Variants in CNOT1 observed in about 807,000 individuals in gnomAD.
CNOT1 encodes the protein CCR4-associated factor 1.
In CNOT1, 15 loss-of-function variants were observed where a neutral mutation model predicts 273.8. The observed-to-expected ratio is 0.05, with a 90% CI of 0.04 to 0.08. The LOEUF is 0.08. Among genes scored for constraint, CNOT1 ranks in the 10% least tolerant of loss-of-function variants. The pLI is 1.00. For synonymous variants in CNOT1, 1,022 were observed against 1,005.5 expected (o/e 1.02, Z -0.31); for missense variants, 1,644 against 2,912.2 (o/e 0.56, Z 10.02).
chr16:58,559,089 G>T (rs146273139), intron 17 of CNOT1, among the ~76,000 whole-genome samples: 93 of 152,178 alleles, frequency 6.1e-4, no homozygotes, highest in African/African-American at 2.0e-3. Context: ...ATTTTATACA[G>T]TTTTTTTAAA....
chr16:58,595,360 A>T (rs2042216471), intron 2 of CNOT1, among the ~76,000 whole-genome samples: 1 of 146,224 alleles, frequency 6.8e-6, no homozygotes. Flanking sequence ...CCAGGTTTTT[A>T]AAAATCTGGC....
intron 16 of CNOT1, among the ~76,000 whole-genome samples, chr16:58,573,049 G>C (rs1051933757): frequency 6.6e-6 from 1 of 151,964 alleles, no homozygotes; most frequent in East Asian, 1.9e-4. Flanking sequence ...GTTCACACAT[G>C]TAAGCCCAGC....
chr16:58,534,036 GAC>G (rs2151907250), intron 40 of CNOT1, 109 bp downstream of exon 40: 1 of 1,167,620 alleles, frequency 8.6e-7, no homozygotes, highest in East Asian at 4.0e-5. Flanking sequence ...CAGCCTGGGT[GAC>G]AGAGTGAGAC....
intron 1 of CNOT1, among the ~76,000 whole-genome samples, chr16:58,613,948 C>T (rs1220697433): frequency 1.7e-5 from 2 of 119,734 alleles, no homozygotes; most frequent in African/African-American, 5.6e-5. Context: ...AAAAATTAGC[C>T]GGGCGTGGTG....
intron 1 of CNOT1, among the ~76,000 whole-genome samples, chr16:58,610,710 G>C (rs952264842): frequency 4.6e-5 from 7 of 152,082 alleles, no homozygotes; most frequent in African/African-American, 1.7e-4. Context: ...AGACGTGGTG[G>C]CAGGTGCCTG....
intron 1 of CNOT1, among the ~76,000 whole-genome samples, chr16:58,627,755 A>G (rs1159797297): frequency 6.6e-6 from 1 of 152,200 alleles, no homozygotes; most frequent in East Asian, 1.9e-4. Flanking sequence ...ACCGTACCTT[A>G]AAACTTCTAA....
At chr16:58,610,661 G>A (rs2042864491) in intron 1 of CNOT1, among the ~76,000 whole-genome samples, 1 of 152,110 alleles carries the variant, frequency 6.6e-6, no homozygotes, top group East Asian at 1.9e-4. Context: ...GGCTAACACA[G>A]TGAAACCCTG....
rs1353183924 is a variant in CNOT1 at position 58,610,997 on chromosome 16, A to G, written c.-174-11486T>C. 2.0e-5 allele frequency among the ~76,000 whole-genome samples: 3 copies of G among 152,076 alleles called. 1 individual carries two copies. The highest frequency in any genetic ancestry group is 4.4e-5 in the Non-Finnish European group (3 of 68,006). On this transcript the variant is annotated intron_variant, in intron 1 of 48. Coordinates refer to ENST00000317147, the MANE Select transcript of CNOT1 (RefSeq NM_016284.5). Reference sequence around the variant, plus strand: ...GGTTGCAGTGAGCCGAGAGCACACCACTGCGCTCCAGCCTGGGTGACAGAG... The same window carrying G: ...GGTTGCAGTGAGCCGAGAGCACACCGCTGCGCTCCAGCCTGGGTGACAGAG...
rs899436674 is a variant in CNOT1, at chr16:58,520,555, G to A, written c.*403C>T. On this transcript the variant is annotated 3_prime_UTR_variant, in exon 49 of 49. Coordinates refer to ENST00000317147, the MANE Select transcript of CNOT1 (RefSeq NM_016284.5). ...CAAACTGGCTTTTTGCTATTCTTTG[G>A]GACACCAGGAATGTCAGAAGACATG... 2 of 184,100 alleles carry A rather than the reference G, an allele frequency of 1.1e-5. No homozygotes were observed. The highest frequency in any genetic ancestry group is 2.3e-5 in the African/African-American group (1 of 42,648). The allele number at this position is 184,100 out of a possible 1,614,324, so 11.4% of individuals were successfully genotyped here. A position where few individuals can be genotyped will look rare whatever the true frequency, so the allele number is the denominator to read the frequency against.
intron 16 of CNOT1, among the ~76,000 whole-genome samples, chr16:58,573,270 C>T (rs1363844654): frequency 2.0e-5 from 3 of 150,414 alleles, no homozygotes; most frequent in Admixed American, 6.6e-5. Context: ...CATGCCAATG[C>T]ACTCCAGCCT....
rs776916885 is a variant in CNOT1, at chr16:58,583,195, T to C, written c.807-13A>G. ...ACATTCTTCAATACTGAAACAGAAA[T>C]ATAACTTCAGAAAAATGCTACCAGC... is the stretch of plus-strand genomic sequence containing the variant. On this transcript the variant is annotated splice_polypyrimidine_tract_variant and intron_variant, in intron 8 of 48. Transcript: ENST00000317147. 7 of 1,611,594 alleles carry C rather than the reference T, an allele frequency of 4.3e-6. No individual in the cohort carries two copies. The highest frequency in any genetic ancestry group is 3.3e-5 in the South Asian group (3 of 90,810).
intron 16 of CNOT1, 118 bp from the exon 17 acceptor site, chr16:58,560,480 T>G: frequency 6.9e-7 from 1 of 1,452,904 alleles, no homozygotes; most frequent in Non-Finnish European, 9.0e-7. Context: ...TCACCCAGAC[T>G]GGAGTGCAGT....
rs755359640 is a variant in CNOT1, at chr16:58,586,499, G to A, written c.637+46C>T. 6.3e-6 allele frequency: 10 copies of A among 1,574,866 alleles called. No individual in the cohort carries two copies. The Admixed American group carries it at 1.5e-4, about 24-fold the overall frequency. ...GGAATGCTTTTGTGATGTGTCTGTG[G>A]TCATCCAAGAAAACCACCCACTGTA... is the stretch of plus-strand genomic sequence containing the variant. On this transcript the variant is annotated intron_variant, in intron 7 of 48. Coordinates refer to ENST00000317147, the MANE Select transcript of CNOT1 (RefSeq NM_016284.5).
At chr16:58,548,360 C>T (rs1489422391) in intron 25 of CNOT1, 1 of 406,694 alleles carries the variant, frequency 2.5e-6, no homozygotes, top group Non-Finnish European at 4.8e-6. Context: ...TACCCATCTA[C>T]TCTGTGGTAC....
intron 24 of CNOT1, 63 bp from the exon 25 acceptor site, chr16:58,549,961 C>G: frequency 1.1e-5 from 17 of 1,605,110 alleles, no homozygotes; most frequent in Non-Finnish European, 1.4e-5. Flanking sequence ...CACTTGGTTT[C>G]TATGAACCAT....
At position 58,567,587 on chromosome 16, in the gene CNOT1, C is replaced by T. The variant is rs534790491; in HGVS notation, c.1979+7022G>A. Among the ~76,000 whole-genome samples, 7 of 143,214 alleles carry T rather than the reference C, an allele frequency of 4.9e-5. No homozygotes were observed. In the East Asian group the frequency reaches 1.2e-3, roughly 24 times the overall value. 94.0% of individuals were successfully genotyped at this position (143,214 alleles called of 152,430 possible). ...AAAAAAACCTTCTCATAAAGCAAAA[C>T]GACAGGGTATGGGCTGACTTCCTCT... is the stretch of plus-strand genomic sequence containing the variant. On this transcript the variant is annotated intron_variant, in intron 16 of 48. Coordinates refer to ENST00000317147, the MANE Select transcript of CNOT1 (RefSeq NM_016284.5).
intron 1 of CNOT1, among the ~76,000 whole-genome samples, chr16:58,613,083 G>A (rs2042954252): frequency 6.6e-6 from 1 of 152,136 alleles, no homozygotes; most frequent in Non-Finnish European, 1.5e-5. Flanking sequence ...CTAGGCTGGA[G>A]TGCAGTGGCA....
intron 16 of CNOT1, among the ~76,000 whole-genome samples, chr16:58,574,325 T>C (rs540762006): frequency 2.0e-5 from 3 of 151,804 alleles, no homozygotes; most frequent in African/African-American, 7.3e-5. Flanking sequence ...AATTGCTTTT[T>C]TTGAGAATAA....
At chr16:58,559,367 T>C (rs979269840) in intron 17 of CNOT1, among the ~76,000 whole-genome samples, 1 of 152,196 alleles carries the variant, frequency 6.6e-6, no homozygotes, top group Admixed American at 6.5e-5. Flanking sequence ...TAATAAATCC[T>C]CACAAATTCC....
Sources: allele counts gnomAD v4.1 joint callset (sites outside exome capture counted in the v4.1 genomes callset), GRCh38; gene constraint gnomAD v4.1.1; transcripts MANE v1.5; gene names NCBI Gene and HGNC (gene_info 2026-07-23, HGNC 2026-07-21).